SLC39A11: variants seen among roughly 807,000 people sequenced by gnomAD.
SLC39A11 encodes the protein zinc transporter ZIP11.
Under a neutral mutation model 36.1 loss-of-function variants are expected in SLC39A11, and 33 were observed. The observed-to-expected ratio is 0.91, with a 90% confidence interval of 0.69 to 1.22. The LOEUF (loss-of-function observed/expected upper bound fraction) is 1.22. SLC39A11 is among the 50% of genes most tolerant of loss of function. The pLI is 0.00. For synonymous variants in SLC39A11, 166 were observed against 170.3 expected (o/e 0.97, Z 0.20); for missense variants, 432 against 430.3 (o/e 1.00, Z -0.03).
chr17:72,891,348 G>A (rs1476055604), intron 5 of SLC39A11, among the ~76,000 whole-genome samples: 1 of 152,140 alleles, frequency 6.6e-6, no homozygotes, highest in Non-Finnish European at 1.5e-5. Context: ...TTGAACCCGG[G>A]AGGTGATTTG....
chr17:73,078,545 G>A (rs2060407170), intron 3 of SLC39A11, among the ~76,000 whole-genome samples: 1 of 150,864 alleles, frequency 6.6e-6, no homozygotes, highest in Non-Finnish European at 1.5e-5. Flanking sequence ...GGAGTGCAAT[G>A]GCGCAATCTC....
rs77710897 is a variant in SLC39A11 at position 72,812,763 on chromosome 17, C to T, written c.601+36871G>A. 9.1e-3 allele frequency among the ~76,000 whole-genome samples: 1,380 copies of T among 152,256 alleles called. 21 individuals are homozygous for T. The highest frequency in any genetic ancestry group is 0.027 in the African/African-American group (1,139 of 41,550). On this transcript the variant is annotated intron_variant, in intron 6 of 9. Transcript: ENST00000255559. Reference sequence around the variant, plus strand: ...TACAATGACAAATAAATAGCAAGTTCGTTCTTGTAACTCCCTCTTGTGTAT... The same window carrying T: ...TACAATGACAAATAAATAGCAAGTTTGTTCTTGTAACTCCCTCTTGTGTAT...
chr17:72,678,640 G>T (rs578189132), intron 7 of SLC39A11, among the ~76,000 whole-genome samples: 7 of 152,164 alleles, frequency 4.6e-5, no homozygotes, highest in East Asian at 1.9e-4. Flanking sequence ...AGGAGGCAAA[G>T]GTTGTAGTGA....
At chr17:72,863,542 G>A (rs1311774156) in intron 5 of SLC39A11, among the ~76,000 whole-genome samples, 3 of 152,202 alleles carry the variant, frequency 2.0e-5, no homozygotes, top group Non-Finnish European at 2.9e-5. Flanking sequence ...AGACACAGCC[G>A]CCTGTCACGT....
rs143696533 is a variant in SLC39A11, at chr17:72,660,250, C to A, written c.672-10982G>T. ...GCGGTTGAAACCAGCTCAAGTCTTT[C>A]ATTACCGCACCCATCAGAGGCAGCC... On this transcript the variant is annotated intron_variant, in intron 7 of 9. Transcript: ENST00000255559. Among the ~76,000 whole-genome samples, 254 of 152,334 alleles carry A rather than the reference C, an allele frequency of 1.7e-3. 1 individual carries two copies. The highest frequency in any genetic ancestry group is 5.9e-3 in the African/African-American group (245 of 41,576).
At chr17:72,990,708 G>A (rs542295597) in intron 4 of SLC39A11, among the ~76,000 whole-genome samples, 3 of 152,234 alleles carry the variant, frequency 2.0e-5, no homozygotes, top group South Asian at 2.1e-4. Context: ...GATTACAGGC[G>A]TGAAGAACCG....
intron 5 of SLC39A11, among the ~76,000 whole-genome samples, chr17:72,944,955 G>C (rs1341908252): frequency 6.6e-6 from 1 of 152,150 alleles, no homozygotes; most frequent in African/African-American, 2.4e-5. Context: ...CTGAGATGGG[G>C]GGACTAGACC....
At chr17:72,977,548 G>C (rs1482347471) in intron 4 of SLC39A11, among the ~76,000 whole-genome samples, 1 of 152,142 alleles carries the variant, frequency 6.6e-6, no homozygotes, top group Admixed American at 6.5e-5. Context: ...AGAGGCAAGG[G>C]GAGAACACCC....
intron 5 of SLC39A11, among the ~76,000 whole-genome samples, chr17:72,879,886 G>A (rs2081106753): frequency 6.6e-6 from 1 of 152,248 alleles, no homozygotes; most frequent in African/African-American, 2.4e-5. Context: ...GCACAAGAAT[G>A]TGGTTTCTTC....
intron 6 of SLC39A11, among the ~76,000 whole-genome samples, chr17:72,786,868 G>T (rs942418840): frequency 2.6e-5 from 4 of 152,182 alleles, no homozygotes; most frequent in African/African-American, 7.2e-5. Flanking sequence ...CACCCGGGCT[G>T]AAGTGCAATG....
At chr17:72,732,110 G>A (rs1295438758) in intron 7 of SLC39A11, among the ~76,000 whole-genome samples, 1 of 129,414 alleles carries the variant, frequency 7.7e-6, no homozygotes, top group African/African-American at 3.0e-5. Context: ...GGGCAGTGGT[G>A]AGACCTCAGC....
At chr17:72,687,060 C>T (rs6501559) in intron 7 of SLC39A11, among the ~76,000 whole-genome samples, 94,206 of 152,026 alleles carry the variant, frequency 0.62, 29,762 homozygotes, top group South Asian at 0.71. Flanking sequence ...CAGGGTCATG[C>T]TCTGTCACCC....
chr17:72,847,505 G>GA (rs1334460788), intron 6 of SLC39A11, among the ~76,000 whole-genome samples: 1 of 152,014 alleles, frequency 6.6e-6, no homozygotes, highest in Non-Finnish European at 1.5e-5. Flanking sequence ...ATAAACTGAT[G>GA]AAAATGTTGG....
intron 5 of SLC39A11, among the ~76,000 whole-genome samples, chr17:72,923,108 C>T (rs926827357): frequency 6.6e-6 from 1 of 151,628 alleles, no homozygotes; most frequent in Admixed American, 6.6e-5. Context: ...CTATCTAACA[C>T]TGAACAAGCC....
At chr17:72,738,137 T>C (rs996032773) in intron 6 of SLC39A11, among the ~76,000 whole-genome samples, 6 of 152,142 alleles carry the variant, frequency 3.9e-5, no homozygotes, top group Non-Finnish European at 7.4e-5. Context: ...CCCGAGTAGC[T>C]GGGACTACAG....
chr17:72,836,182 G>C (rs2078535627), intron 6 of SLC39A11, among the ~76,000 whole-genome samples: 1 of 152,198 alleles, frequency 6.6e-6, no homozygotes, highest in Admixed American at 6.5e-5. Flanking sequence ...AATGTGGCAA[G>C]CTTAAGAAAA....
At chr17:72,800,729 G>C (rs945373381) in intron 6 of SLC39A11, among the ~76,000 whole-genome samples, 3 of 152,290 alleles carry the variant, frequency 2.0e-5, no homozygotes, top group East Asian at 1.9e-4. Context: ...ACTAAGGAGA[G>C]AGGCAGAGAG....
chr17:72,758,964 T>C (rs2075465089), intron 6 of SLC39A11, among the ~76,000 whole-genome samples: 1 of 151,822 alleles, frequency 6.6e-6, no homozygotes, highest in Non-Finnish European at 1.5e-5. Context: ...ATTAGCCGGG[T>C]GTGGTGGATG....
chr17:72,981,214 T>C (rs2088275842), intron 4 of SLC39A11, among the ~76,000 whole-genome samples: 1 of 152,180 alleles, frequency 6.6e-6, no homozygotes, highest in Non-Finnish European at 1.5e-5. Context: ...ATTTTATACA[T>C]ATATATTTTT....
Sources: allele counts gnomAD v4.1 joint callset (sites outside exome capture counted in the v4.1 genomes callset), GRCh38; gene constraint gnomAD v4.1.1; transcripts MANE v1.5; gene names NCBI Gene and HGNC (gene_info 2026-07-23, HGNC 2026-07-21).